The following TASP1 variants were observed in gnomAD, a reference collection of about 807,000 sequenced individuals.
The protein encoded by TASP1 is taspase 1.
TASP1 carries 16 observed loss-of-function variants against 56.6 expected under a neutral mutation model. The observed-to-expected ratio is 0.28, with a 90% confidence interval of 0.19 to 0.43. TASP1 has a LOEUF of 0.43. TASP1 is among the 20% of genes least tolerant of loss of function. The pLI, the probability that TASP1 is intolerant of heterozygous loss-of-function variation, is 1.00. For missense variants in TASP1, 393 were observed against 511.6 expected (o/e 0.77, Z 2.24); for synonymous variants, 179 against 184.2 (o/e 0.97, Z 0.23).
chr20:13,273,680 A>C, the TASP1 span, among the ~76,000 whole-genome samples: 1 of 152,248 alleles, frequency 6.6e-6, no homozygotes, highest in African/African-American at 2.4e-5. Context: ...GGTTTACCAT[A>C]GCTCCAGATG....
the TASP1 span, among the ~76,000 whole-genome samples, chr20:13,154,729 G>T: frequency 2.0e-5 from 3 of 152,082 alleles, no homozygotes; most frequent in African/African-American, 7.2e-5. Context: ...CCTGTTTGGG[G>T]GTTGTTTACT....
At chr20:13,476,447 A>G (rs537098820) in intron 11 of TASP1, among the ~76,000 whole-genome samples, 1 of 152,330 alleles carries the variant, frequency 6.6e-6, no homozygotes, top group African/African-American at 2.4e-5. Flanking sequence ...GATTATTTGT[A>G]GTCAGAAGAT....
At chr20:13,436,636 A>T (rs1322360401) in intron 11 of TASP1, among the ~76,000 whole-genome samples, 1 of 152,174 alleles carries the variant, frequency 6.6e-6, no homozygotes, top group Non-Finnish European at 1.5e-5. Flanking sequence ...CTACACACTG[A>T]AAACAGGGAG....
At chr20:13,271,668 T>C in the TASP1 span, among the ~76,000 whole-genome samples, 1 of 152,210 alleles carries the variant, frequency 6.6e-6, no homozygotes, top group African/African-American at 2.4e-5. Flanking sequence ...ATTTTGAATG[T>C]TGTTTGTACC....
chr20:13,352,190 C>T, the TASP1 span, among the ~76,000 whole-genome samples: 1 of 152,164 alleles, frequency 6.6e-6, no homozygotes, highest in Non-Finnish European at 1.5e-5. Context: ...TGGCTCAAGC[C>T]TGTAATCTCA....
chr20:13,306,875 A>G, the TASP1 span, among the ~76,000 whole-genome samples: 1 of 152,316 alleles, frequency 6.6e-6, no homozygotes, highest in African/African-American at 2.4e-5. Flanking sequence ...TGGTGGCTAC[A>G]GAGGACAGAA....
chr20:13,271,210 C>T, the TASP1 span, among the ~76,000 whole-genome samples: 1 of 152,290 alleles, frequency 6.6e-6, no homozygotes, highest in South Asian at 2.1e-4. Context: ...CCCCTCTAAA[C>T]TTGCCTTGGA....
At chr20:13,263,970 GT>G in the TASP1 span, among the ~76,000 whole-genome samples, 2 of 127,524 alleles carry the variant, frequency 1.6e-5, no homozygotes, top group Admixed American at 8.8e-5. Context: ...GGGTTTTTTT[GT>G]TTTTCTTTAG....
At chr20:13,147,459 G>A in the TASP1 span, among the ~76,000 whole-genome samples, 1 of 152,012 alleles carries the variant, frequency 6.6e-6, no homozygotes, top group Non-Finnish European at 1.5e-5. Flanking sequence ...AATAACAGAC[G>A]CTGGCTTCCT....
At chr20:13,222,024 TA>T in the TASP1 span, 1 of 1,033,016 alleles carries the variant, frequency 9.7e-7, no homozygotes, top group Non-Finnish European at 1.3e-6. Flanking sequence ...CTGCCCCACC[TA>T]AGAGCAACTG....
chr20:13,461,681 ATTTTG>A (rs1445616149), intron 11 of TASP1, among the ~76,000 whole-genome samples: 1 of 152,158 alleles, frequency 6.6e-6, no homozygotes, highest in African/African-American at 2.4e-5. Context: ...TTTTAATAAA[ATTTTG>A]TTTACAAAAT....
At chr20:13,389,099 A>T (rs2041189302), downstream of TASP1, among the ~76,000 whole-genome samples, 1 of 152,244 alleles carries the variant, frequency 6.6e-6, no homozygotes, top group South Asian at 2.1e-4. Flanking sequence ...CCTGAATATA[A>T]CACTTAGAAG....
chr20:13,198,452 C>T, the TASP1 span, among the ~76,000 whole-genome samples: 1 of 152,086 alleles, frequency 6.6e-6, no homozygotes, highest in Non-Finnish European at 1.5e-5. Flanking sequence ...ATCTTCATGA[C>T]CTAATTACCT....
downstream of TASP1, among the ~76,000 whole-genome samples, chr20:13,388,097 A>G (rs1184677888): frequency 6.6e-6 from 1 of 152,214 alleles, no homozygotes; most frequent in African/African-American, 2.4e-5. Context: ...TTACAAAGAA[A>G]TCAAATATAG....
chr20:13,291,162 T>C, the TASP1 span, among the ~76,000 whole-genome samples: 1 of 152,232 alleles, frequency 6.6e-6, no homozygotes, highest in South Asian at 2.1e-4. Flanking sequence ...CTTCTTGTTT[T>C]CTGTCACCGC....
the TASP1 span, among the ~76,000 whole-genome samples, chr20:13,269,966 T>TGGATGGATGGAA: frequency 6.6e-6 from 1 of 151,884 alleles, no homozygotes; most frequent in Admixed American, 6.6e-5. Context: ...GATGGATGGA[T>TGGATGGATGGAA]AGATGGATAT....
At chr20:13,628,107 C>A (rs981239864) in intron 2 of TASP1, among the ~76,000 whole-genome samples, 2 of 152,326 alleles carry the variant, frequency 1.3e-5, no homozygotes, top group Middle Eastern at 3.4e-3. Context: ...AGGTGGACAT[C>A]CTCAAGCTTT....
In TASP1 at chr20:13,429,820, T is replaced by C. The variant is rs949599979; in HGVS notation, c.1096+5224A>G. Reference sequence around the variant, plus strand: ...CTTATGTCACTCTTGGGTTGAACAGTGTCCTTCTGATCTTGGGATTGGTGT... The same window carrying C: ...CTTATGTCACTCTTGGGTTGAACAGCGTCCTTCTGATCTTGGGATTGGTGT... On this transcript the variant is annotated intron_variant, in intron 12 of 13. Transcript: ENST00000337743. 2.6e-5 allele frequency among the ~76,000 whole-genome samples: 4 copies of C among 152,222 alleles called. No individual in the cohort carries two copies. The East Asian group carries it at 7.7e-4, about 29-fold the overall frequency.
the TASP1 span, among the ~76,000 whole-genome samples, chr20:13,304,807 C>T: frequency 7.9e-5 from 12 of 152,232 alleles, no homozygotes; most frequent in Admixed American, 7.2e-4. Flanking sequence ...GATTGAGTTC[C>T]AGTTGCCTAT....
Sources: allele counts gnomAD v4.1 joint callset (sites outside exome capture counted in the v4.1 genomes callset), GRCh38; gene constraint gnomAD v4.1.1; transcripts MANE v1.5; gene names NCBI Gene and HGNC (gene_info 2026-07-23, HGNC 2026-07-21).